FGGY: variants seen among roughly 807,000 people sequenced by gnomAD.
FGGY encodes the protein FGGY carbohydrate kinase domain-containing protein.
Under a neutral mutation model 71.3 loss-of-function variants are expected in FGGY, and 72 were observed. That is an observed-to-expected ratio of 1.01 (90% CI 0.84 to 1.23). The LOEUF (loss-of-function observed/expected upper bound fraction) is 1.23, where lower values mean the gene tolerates loss of function less well. Ranked by LOEUF, FGGY falls within the 50% of genes most tolerant of loss-of-function variation. The pLI, the probability that FGGY is intolerant of heterozygous loss-of-function variation, is 0.00. For synonymous variants in FGGY, 251 were observed against 250.3 expected (o/e 1.00, Z -0.02); for missense variants, 668 against 682.3 (o/e 0.98, Z 0.23).
At chr1:59,408,122 G>A (rs1250152263) in intron 5 of FGGY, among the ~76,000 whole-genome samples, 3 of 152,118 alleles carry the variant, frequency 2.0e-5, no homozygotes, top group African/African-American at 7.2e-5. Flanking sequence ...TCGAATTCTG[G>A]GGCAAGTGCA....
At chr1:59,513,353 C>T (rs1232739351) in intron 7 of FGGY, among the ~76,000 whole-genome samples, 1 of 152,178 alleles carries the variant, frequency 6.6e-6, no homozygotes, top group Non-Finnish European at 1.5e-5. Flanking sequence ...GCTGTGTTTC[C>T]ATTCTGTGTG....
intron 11 of FGGY, among the ~76,000 whole-genome samples, chr1:59,652,376 A>C (rs1407940047): frequency 6.7e-6 from 1 of 149,540 alleles, no homozygotes; most frequent in African/African-American, 2.5e-5. Flanking sequence ...TCTCCCCATC[A>C]CTTTCAGGTA....
intron 7 of FGGY, among the ~76,000 whole-genome samples, chr1:59,548,964 C>T (rs1363711293): frequency 2.6e-5 from 4 of 152,168 alleles, no homozygotes; most frequent in African/African-American, 7.2e-5. Context: ...TAAGAAATCA[C>T]ATGATGAATG....
intron 8 of FGGY, among the ~76,000 whole-genome samples, chr1:59,559,041 T>C (rs1249278582): frequency 6.6e-6 from 1 of 152,200 alleles, no homozygotes; most frequent in South Asian, 2.1e-4. Flanking sequence ...TTCTGTTCTT[T>C]TTCCAGGTGC....
At chr1:59,427,089 C>T (rs1196494815) in intron 5 of FGGY, among the ~76,000 whole-genome samples, 1 of 152,158 alleles carries the variant, frequency 6.6e-6, no homozygotes, top group Non-Finnish European at 1.5e-5. Flanking sequence ...AGATATGAAT[C>T]AACGAACACA....
chr1:59,385,312 C>A (rs1351583817), intron 5 of FGGY, among the ~76,000 whole-genome samples: 1 of 152,138 alleles, frequency 6.6e-6, no homozygotes, highest in Non-Finnish European at 1.5e-5. Flanking sequence ...TGTAATTCAG[C>A]TCCATTCTTT....
chr1:59,408,849 T>G (rs535415727), intron 5 of FGGY, among the ~76,000 whole-genome samples: 1 of 152,306 alleles, frequency 6.6e-6, no homozygotes, highest in African/African-American at 2.4e-5. Context: ...CTTTGATTTC[T>G]GCTTGAAAAT....
chr1:59,301,944 T>G (rs2042824533), intron 1 of FGGY, among the ~76,000 whole-genome samples: 1 of 149,964 alleles, frequency 6.7e-6, no homozygotes, highest in Non-Finnish European at 1.5e-5. Flanking sequence ...TCCATGTTGG[T>G]CAGGCTGGTC....
intron 15 of FGGY, 132 bp downstream of exon 15, chr1:59,758,124 G>A: frequency 1.7e-6 from 1 of 585,366 alleles, no homozygotes; most frequent in South Asian, 2.9e-5. Flanking sequence ...AGAAAACTAA[G>A]TTCCAGGGAG....
intron 7 of FGGY, among the ~76,000 whole-genome samples, chr1:59,517,487 G>A (rs988904457): frequency 6.6e-6 from 1 of 151,764 alleles, no homozygotes; most frequent in Non-Finnish European, 1.5e-5. Context: ...GGATGGTCTC[G>A]ATCTCCTGAC....
rs115577811 is a variant in FGGY, at chr1:59,696,370, G to A, written c.1512+22237G>A. Among the ~76,000 whole-genome samples the A allele has an allele frequency of 4.8e-3, 734 of 152,126 alleles. 3 individuals are homozygous for A. The highest frequency in any genetic ancestry group is 8.9e-3 in the Non-Finnish European group (603 of 67,990). On this transcript the variant is annotated intron_variant, in intron 14 of 15. Transcript: ENST00000303721. The stretch of plus-strand genomic sequence containing the variant: ...AAAAGAAAGAAAAGTTTTTTTCCCA[G>A]GACTTAAAGAAATATTTTATGACTA...
At chr1:59,567,678 G>A (rs1400697268) in intron 8 of FGGY, among the ~76,000 whole-genome samples, 1 of 151,572 alleles carries the variant, frequency 6.6e-6, no homozygotes, top group Non-Finnish European at 1.5e-5. Context: ...AAAAAGAAGA[G>A]GTGCCCACAG....
chr1:59,714,530 G>A (rs1200150712), intron 14 of FGGY, among the ~76,000 whole-genome samples: 1 of 152,190 alleles, frequency 6.6e-6, no homozygotes, highest in Non-Finnish European at 1.5e-5. Flanking sequence ...GTCTTTGGGG[G>A]ATTATAGCCT....
chr1:59,756,538 T>C (rs77310862), intron 14 of FGGY, among the ~76,000 whole-genome samples: 2,510 of 152,336 alleles, frequency 0.016, 30 homozygotes, highest in Non-Finnish European at 0.027. Flanking sequence ...TCTTTTCCAC[T>C]CTATAGTGAG....
chr1:59,689,068 G>A (rs1265605464), intron 14 of FGGY, among the ~76,000 whole-genome samples: 1 of 152,108 alleles, frequency 6.6e-6, no homozygotes, highest in Admixed American at 6.6e-5. Flanking sequence ...TTTTTAAAAG[G>A]TTGGGGAGAA....
In FGGY at chr1:59,733,463, T is replaced by TTTG. The variant is rs1347203912; in HGVS notation, c.1513-24466_1513-24465insGTT. ...GTTGTTTTGTTTTGTTTTGTTTTGT[T>TTTG]TTTTTGTTTTGTTTTGTTTTTTAAA... On this transcript the variant is annotated intron_variant, in intron 14 of 15. Coordinates refer to ENST00000303721, the MANE Select transcript of FGGY (RefSeq NM_018291.5). 1.1e-3 allele frequency among the ~76,000 whole-genome samples: 144 copies of TTTG among 131,152 alleles called. 1 individual carries two copies. Among genetic ancestry groups the TTTG allele is most frequent in the African/African-American group, 4.1e-3 (138 of 33,334 alleles). 86.0% of individuals were successfully genotyped at this position (131,152 alleles called of 152,430 possible). A position where few individuals can be genotyped will look rare whatever the true frequency, so the allele number is the denominator to read the frequency against.
intron 14 of FGGY, among the ~76,000 whole-genome samples, chr1:59,711,617 G>A (rs572442493): frequency 6.6e-6 from 1 of 152,296 alleles, no homozygotes; most frequent in South Asian, 2.1e-4. Context: ...GGTTCCATGT[G>A]GCTGGAGAGG....
At chr1:59,573,583 A>G (rs901270703) in intron 8 of FGGY, among the ~76,000 whole-genome samples, 49 of 152,248 alleles carry the variant, frequency 3.2e-4, no homozygotes, top group African/African-American at 1.1e-3. Flanking sequence ...TCTTTGTTCT[A>G]TTTTTACAAC....
chr1:59,559,080 C>T (rs919918947), intron 8 of FGGY, among the ~76,000 whole-genome samples: 1 of 152,152 alleles, frequency 6.6e-6, no homozygotes, highest in African/African-American at 2.4e-5. Flanking sequence ...AAACACACAT[C>T]TTTTACAATC....
Sources: gnomAD v4.1 joint callset for allele counts (sites outside exome capture counted in the v4.1 genomes callset) on GRCh38, gnomAD v4.1.1 for gene constraint, MANE v1.5 for transcripts, NCBI Gene and HGNC (gene_info 2026-07-23, HGNC 2026-07-21) for gene names.